The following FAM78B variants were observed in gnomAD, a reference collection of about 807,000 sequenced individuals.
The protein encoded by FAM78B is protein FAM78B.
FAM78B carries 10 observed loss-of-function variants against 20.0 expected under a neutral mutation model. The observed-to-expected ratio is 0.50, with a 90% CI of 0.31 to 0.85. The LOEUF (loss-of-function observed/expected upper bound fraction) is 0.85. Ranked by LOEUF, FAM78B falls within the 40% of genes least tolerant of loss-of-function variation. The probability of loss-of-function intolerance (pLI) is 0.05; values close to 1 mark genes in which losing one functional copy is unlikely to be tolerated. For missense variants in FAM78B, 283 were observed against 345.0 expected (o/e 0.82, Z 1.42); for synonymous variants, 135 against 132.8 (o/e 1.02, Z -0.12).
intron 1 of FAM78B, among the ~76,000 whole-genome samples, chr1:166,137,614 G>C (rs1316876341): frequency 1.3e-5 from 2 of 152,064 alleles, no homozygotes; most frequent in African/African-American, 4.8e-5. Flanking sequence ...CTGCAGATCA[G>C]AGGAAATAAT....
At chr1:166,162,636 C>T (rs1405323621) in intron 1 of FAM78B, among the ~76,000 whole-genome samples, 2 of 152,210 alleles carry the variant, frequency 1.3e-5, no homozygotes, top group Non-Finnish European at 1.5e-5. Flanking sequence ...AAAGCTTCTG[C>T]ATACTCAAGA....
At chr1:166,104,653 T>C (rs1002518787) in intron 1 of FAM78B, among the ~76,000 whole-genome samples, 3 of 152,142 alleles carry the variant, frequency 2.0e-5, no homozygotes, top group Admixed American at 2.0e-4. Context: ...ACAAGGGACG[T>C]GAAGGACCTC....
intron 1 of FAM78B, among the ~76,000 whole-genome samples, chr1:166,140,092 C>A (rs999552235): frequency 6.6e-6 from 1 of 152,236 alleles, no homozygotes; most frequent in African/African-American, 2.4e-5. Context: ...CTGAAGCCTG[C>A]AGCAGGGCTA....
intron 1 of FAM78B, among the ~76,000 whole-genome samples, chr1:166,152,909 C>T (rs975623769): frequency 6.6e-6 from 1 of 152,096 alleles, no homozygotes; most frequent in African/African-American, 2.4e-5. Context: ...ATTTCTTGAC[C>T]TCATGATCTG....
intron 1 of FAM78B, among the ~76,000 whole-genome samples, chr1:166,128,757 T>C (rs2101776133): frequency 6.6e-6 from 1 of 152,272 alleles, no homozygotes; most frequent in Admixed American, 6.5e-5. Context: ...TATGACTTGG[T>C]TCCCTATGGC....
chr1:166,147,241 T>C (rs1487650081), intron 1 of FAM78B, among the ~76,000 whole-genome samples: 2 of 152,174 alleles, frequency 1.3e-5, no homozygotes, highest in African/African-American at 2.4e-5. Flanking sequence ...AGAAAAGTCC[T>C]AGGGGTTGTT....
chr1:166,070,372 G>C lies in FAM78B; in HGVS notation c.655C>G (p.Gln219Glu), dbSNP rs1320662743. Residue 219 changes from glutamine (Q) to glutamate (E), a missense_variant, in exon 2 of 2, where the codon CAG (glutamine) becomes GAG (glutamate). Coordinates refer to ENST00000354422, the MANE Select transcript of FAM78B (RefSeq NM_001017961.5). The part of the protein sequence containing the change: ...ARLVGRTQQE[Q>E]PRILSRMEPI... ...TCCATCCGGCTCAGGATCCGGGGCT[G>C]CTCCTGCTGAGTCCTGCCCACCAGC... 3 of 1,613,792 alleles carry C rather than the reference G, an allele frequency of 1.9e-6. No individual in the cohort carries two copies. The highest frequency in any genetic ancestry group is 2.5e-6 in the Non-Finnish European group (3 of 1,179,880).
chr1:166,108,302 G>A (rs540058971), intron 1 of FAM78B, among the ~76,000 whole-genome samples: 1 of 152,182 alleles, frequency 6.6e-6, no homozygotes, highest in African/African-American at 2.4e-5. Context: ...AAAGTTTCCA[G>A]GTACAAGATT....
intron 1 of FAM78B, among the ~76,000 whole-genome samples, chr1:166,133,974 G>T (rs913325162): frequency 6.6e-6 from 1 of 152,060 alleles, no homozygotes; most frequent in Non-Finnish European, 1.5e-5. Flanking sequence ...TTTTACCAAC[G>T]GGAGACTGAG....
intron 1 of FAM78B, among the ~76,000 whole-genome samples, chr1:166,150,988 G>A (rs1480491248): frequency 1.3e-5 from 2 of 152,160 alleles, no homozygotes; most frequent in Non-Finnish European, 2.9e-5. Flanking sequence ...TTAGAAGTTG[G>A]ATGGTATGAC....
intron 1 of FAM78B, among the ~76,000 whole-genome samples, chr1:166,142,459 G>A (rs770999626): frequency 5.9e-5 from 9 of 152,186 alleles, no homozygotes; most frequent in Admixed American, 1.3e-4. Flanking sequence ...AGCACTTACT[G>A]AGCACTGGGC....
intron 1 of FAM78B, among the ~76,000 whole-genome samples, chr1:166,159,083 T>G (rs915085143): frequency 1.3e-5 from 2 of 152,248 alleles, no homozygotes; most frequent in Non-Finnish European, 2.9e-5. Flanking sequence ...TGCTATCAAC[T>G]ACTTGGAGCC....
rs560252145 is a variant in FAM78B at position 166,069,943 on chromosome 1, T to C, written c.*298A>G. The stretch of plus-strand genomic sequence containing the variant: ...CCTGCATCTCACAGGAAAGAAATGG[T>C]CAATAGTTCAGATAAAAGAATCATC... On this transcript the variant is annotated 3_prime_UTR_variant, in exon 2 of 2. Coordinates refer to ENST00000354422, the MANE Select transcript of FAM78B (RefSeq NM_001017961.5). 1 of 1,083,662 alleles carries C rather than the reference T, an allele frequency of 9.2e-7. No individual in the cohort carries two copies. Among genetic ancestry groups the C allele is most frequent in the African/African-American group, 1.6e-5 (1 of 61,090 alleles). The allele number at this position is 1,083,662 out of a possible 1,614,324, so 67.1% of individuals were successfully genotyped here. A position where few individuals can be genotyped will look rare whatever the true frequency, so the allele number is the denominator to read the frequency against.
intron 1 of FAM78B, among the ~76,000 whole-genome samples, chr1:166,074,770 G>A (rs1652201142): frequency 6.6e-6 from 1 of 152,212 alleles, no homozygotes. Flanking sequence ...TTAAATGAAA[G>A]TGAATGAAGT....
At chr1:166,132,040 G>A (rs1399043746) in intron 1 of FAM78B, among the ~76,000 whole-genome samples, 14 of 152,172 alleles carry the variant, frequency 9.2e-5, no homozygotes, top group African/African-American at 2.7e-4. Flanking sequence ...AAAAGGCAAG[G>A]CCTAAGCACA....
At chr1:166,059,566 G>C (rs1323821643) in exon 3 of FAM78B, 1 of 152,192 alleles carries the variant, frequency 6.6e-6, no homozygotes, top group Non-Finnish European at 1.5e-5. Flanking sequence ...TACTACATCA[G>C]AGCAGAATGA....
downstream of FAM78B, among the ~76,000 whole-genome samples, chr1:166,064,859 A>C (rs1198934095): frequency 2.0e-5 from 3 of 152,224 alleles, no homozygotes; most frequent in Non-Finnish European, 4.4e-5. Context: ...TTAATATCTC[A>C]GGTAACAGAG....
At chr1:166,066,669 G>A (rs184557060), downstream of FAM78B, among the ~76,000 whole-genome samples, 237 of 152,342 alleles carry the variant, frequency 1.6e-3, 1 homozygote, top group African/African-American at 5.3e-3. Context: ...GAAAATGCAT[G>A]TGGAAGGCTT....
intron 1 of FAM78B, among the ~76,000 whole-genome samples, chr1:166,073,773 G>T (rs1652149936): frequency 6.6e-6 from 1 of 152,074 alleles, no homozygotes; most frequent in African/African-American, 2.4e-5. Flanking sequence ...CATAAACCAA[G>T]CCGTCTTCCC....
Sources: gnomAD v4.1 joint callset for allele counts (sites outside exome capture counted in the v4.1 genomes callset) on GRCh38, gnomAD v4.1.1 for gene constraint, MANE v1.5 for transcripts, NCBI Gene and HGNC (gene_info 2026-07-23, HGNC 2026-07-21) for gene names.